Variants in ATG5 observed in about 807,000 individuals in gnomAD.
The protein encoded by ATG5 is autophagy protein 5.
In ATG5, 14 loss-of-function variants were observed where a neutral mutation model predicts 36.5. That is an observed-to-expected ratio of 0.38 (90% confidence interval 0.25 to 0.60). ATG5 has a LOEUF of 0.60. Ranked by LOEUF, ATG5 falls within the 20% of genes least tolerant of loss-of-function variation. The pLI is 0.60. For synonymous variants in ATG5, 95 were observed against 101.5 expected, an observed-to-expected ratio of 0.94 and a Z score of 0.38; for missense variants, 195 against 326.7, an observed-to-expected ratio of 0.60 and a Z score of 3.11.
chr6:106,251,268 C>G (rs537556299), intron 5 of ATG5, among the ~76,000 whole-genome samples: 1 of 152,344 alleles, frequency 6.6e-6, no homozygotes, highest in East Asian at 1.9e-4. Context: ...CAACTCTGGC[C>G]TGGCGGGAAG....
intron 1 of ATG5, among the ~76,000 whole-genome samples, chr6:106,319,172 T>C (rs1770970382): frequency 6.6e-6 from 1 of 152,204 alleles, no homozygotes; most frequent in South Asian, 2.1e-4. Context: ...GTAAAGCACT[T>C]GAACAATGTC....
At chr6:106,322,450 A>G (rs2114692653) in intron 1 of ATG5, among the ~76,000 whole-genome samples, 1 of 152,278 alleles carries the variant, frequency 6.6e-6, no homozygotes, top group South Asian at 2.1e-4. Flanking sequence ...ATTCATAAAC[A>G]CTAGTTTCCT....
chr6:106,215,045 A>G (rs2114405646), intron 6 of ATG5, among the ~76,000 whole-genome samples: 1 of 152,358 alleles, frequency 6.6e-6, no homozygotes, highest in African/African-American at 2.4e-5. Flanking sequence ...CCAAAGCCAC[A>G]CTAAAAAGAC....
chr6:106,228,209 T>C (rs1201727078), intron 6 of ATG5, among the ~76,000 whole-genome samples: 3 of 152,184 alleles, frequency 2.0e-5, no homozygotes, highest in South Asian at 2.1e-4. Flanking sequence ...GCAACTGCAC[T>C]CTTCTGGTCC....
intron 4 of ATG5, among the ~76,000 whole-genome samples, chr6:106,289,976 T>C (rs973261715): frequency 6.6e-6 from 1 of 151,912 alleles, no homozygotes; most frequent in African/African-American, 2.4e-5. Context: ...CTTTTTGGCT[T>C]TGTGGATATT....
chr6:106,251,125 G>C (rs549443057), intron 5 of ATG5, among the ~76,000 whole-genome samples: 19 of 152,328 alleles, frequency 1.2e-4, no homozygotes, highest in African/African-American at 4.6e-4. Context: ...ATCTCAATTT[G>C]CTTGCTCTGG....
intron 5 of ATG5, among the ~76,000 whole-genome samples, chr6:106,251,721 AAG>A (rs981271708): frequency 4.8e-5 from 7 of 145,818 alleles, no homozygotes; most frequent in Non-Finnish European, 9.0e-5. Context: ...GAAAGAAAGA[AAG>A]AGAAAGAGAA....
intron 4 of ATG5, among the ~76,000 whole-genome samples, chr6:106,282,926 A>G (rs1335671244): frequency 6.6e-6 from 1 of 152,088 alleles, no homozygotes; most frequent in East Asian, 1.9e-4. Context: ...AGCTGGAACC[A>G]CAGGTGTACA....
In ATG5 at chr6:106,259,142, C is replaced by A. The variant is rs140348944; in HGVS notation, c.479-10898G>T. ...TATTTTCCTCAAAACTGTTATATAA[C>A]AACTAATTCACTGCAAAACAAGTTG... is the stretch of plus-strand genomic sequence containing the variant. On this transcript the variant is annotated intron_variant, in intron 5 of 7. Transcript: ENST00000369076. Among the ~76,000 whole-genome samples the A allele has an allele frequency of 5.3e-5, 8 of 152,242 alleles. No individual in the cohort carries two copies. In the East Asian group the frequency reaches 1.5e-3, roughly 29 times the overall value.
intron 3 of ATG5, among the ~76,000 whole-genome samples, chr6:106,293,903 A>G (rs1432773906): frequency 6.6e-6 from 1 of 152,220 alleles, no homozygotes; most frequent in Non-Finnish European, 1.5e-5. Context: ...TCAGAATTAA[A>G]TAATACAGGT....
Position 106,186,695 on chromosome 6 carries a change from C to T in ATG5, c.692-19G>A, listed in dbSNP as rs751653699. The T allele has an allele frequency of 6.2e-7, 1 of 1,611,120 alleles. No homozygotes were observed. Among genetic ancestry groups the T allele is most frequent in the South Asian group, 1.1e-5 (1 of 90,970 alleles). On this transcript the variant is annotated intron_variant, in intron 7 of 7. Transcript: ENST00000369076. ...TCCCCATCTATTCCAAGAAAGAAACCCAACAACAATAAAAGTCAAAACAGT... is the reference window on the plus strand; with the variant it reads ...TCCCCATCTATTCCAAGAAAGAAACTCAACAACAATAAAAGTCAAAACAGT...
At chr6:106,241,114 C>T (rs1735364229) in intron 6 of ATG5, among the ~76,000 whole-genome samples, 5 of 152,338 alleles carry the variant, frequency 3.3e-5, no homozygotes, top group Admixed American at 3.3e-4. Flanking sequence ...GATCATGCCA[C>T]AGCATTCCAG....
intron 4 of ATG5, among the ~76,000 whole-genome samples, chr6:106,291,159 T>C (rs1225611552): frequency 6.6e-6 from 1 of 152,210 alleles, no homozygotes; most frequent in Non-Finnish European, 1.5e-5. Flanking sequence ...AAGACAACCA[T>C]ATTTGGCATG....
rs551387186 is a variant in ATG5 at position 106,209,484 on chromosome 6, T to C, written c.574-7395A>G. ...TATAACATTAGTGAAATGACAAAAA[T>C]TTTAGAAATGGAAAACAAATTAGTA... On this transcript the variant is annotated intron_variant, in intron 6 of 7. Coordinates refer to ENST00000369076, the MANE Select transcript of ATG5 (RefSeq NM_004849.4). Among the ~76,000 whole-genome samples, 136 of 152,202 alleles carry C rather than the reference T, an allele frequency of 8.9e-4. 1 individual carries two copies. The highest frequency in any genetic ancestry group is 1.2e-4 in the Non-Finnish European group (8 of 68,004).
chr6:106,221,750 T>G (rs1252936183), intron 6 of ATG5, among the ~76,000 whole-genome samples: 1 of 151,362 alleles, frequency 6.6e-6, no homozygotes, highest in Non-Finnish European at 1.5e-5. Context: ...GTCCAACTTA[T>G]GTTTACTATA....
chr6:106,303,961 CT>C (rs1024274747), intron 3 of ATG5, among the ~76,000 whole-genome samples: 3 of 148,980 alleles, frequency 2.0e-5, no homozygotes, highest in African/African-American at 7.4e-5. Flanking sequence ...GAAGTTCTAG[CT>C]ACTCCAATAA....
chr6:106,262,605 C>T (rs960454487), intron 5 of ATG5, among the ~76,000 whole-genome samples: 2 of 152,112 alleles, frequency 1.3e-5, no homozygotes, highest in African/African-American at 4.8e-5. Flanking sequence ...CAGCTCCCAG[C>T]GAGACAAACA....
intron 5 of ATG5, among the ~76,000 whole-genome samples, chr6:106,270,741 A>G (rs770322417): frequency 6.6e-6 from 1 of 152,184 alleles, no homozygotes; most frequent in African/African-American, 2.4e-5. Context: ...TTTAGCCTCC[A>G]AGATGGCCTC....
At chr6:106,231,529 A>G (rs984354512) in intron 6 of ATG5, among the ~76,000 whole-genome samples, 10 of 152,216 alleles carry the variant, frequency 6.6e-5, no homozygotes, top group African/African-American at 2.4e-4. Flanking sequence ...ACTAAGGAAA[A>G]CTAGAAAGAA....
Sources: allele counts gnomAD v4.1 joint callset (sites outside exome capture counted in the v4.1 genomes callset), GRCh38; gene constraint gnomAD v4.1.1; transcripts MANE v1.5; gene names NCBI Gene and HGNC (gene_info 2026-07-23, HGNC 2026-07-21).